THOC2: variants seen among roughly 807,000 people sequenced by gnomAD.
THOC2 encodes THO complex subunit 2.
In THOC2, 10 loss-of-function variants were observed where a neutral mutation model predicts 128.4. The observed-to-expected ratio is 0.08, with a 90% CI of 0.05 to 0.13. The LOEUF (loss-of-function observed/expected upper bound fraction) is 0.13, where lower values mean the gene tolerates loss of function less well. Among genes scored for constraint, THOC2 ranks in the 10% least tolerant of loss-of-function variants. The pLI is 1.00. For synonymous variants in THOC2, 393 were observed against 396.9 expected, an observed-to-expected ratio of 0.99 and a Z score of 0.12; for missense variants, 535 against 1,155.7, an observed-to-expected ratio of 0.46 and a Z score of 7.79.
chrX:123,710,573 C>A (rs372844349), intron 2 of THOC2, among the ~76,000 whole-genome samples: 1 of 111,683 alleles, frequency 9.0e-6, no homozygotes, highest in East Asian at 2.8e-4. Context: ...TTTGAGTGAT[C>A]ATGCAATTTT....
intron 1 of THOC2, among the ~76,000 whole-genome samples, chrX:123,714,558 C>T (rs993373974): frequency 8.1e-5 from 9 of 111,749 alleles, no homozygotes; most frequent in East Asian, 2.8e-4. Context: ...CACTACTTTC[C>T]ATAGAATACC....
intron 1 of THOC2, among the ~76,000 whole-genome samples, chrX:123,718,244 G>A (rs1391530172): frequency 8.9e-6 from 1 of 111,805 alleles, no homozygotes; most frequent in Non-Finnish European, 1.9e-5. Flanking sequence ...TCCACATACA[G>A]AACAATGAAA....
intron 3 of THOC2, among the ~76,000 whole-genome samples, chrX:123,704,313 T>A (rs1419352304): frequency 9.0e-6 from 1 of 111,661 alleles, no homozygotes; most frequent in Admixed American, 9.6e-5. Context: ...ATCTTGAAAA[T>A]ACAAAACCAG....
At chrX:123,681,526 A>G (rs1603299316) in intron 8 of THOC2, among the ~76,000 whole-genome samples, 2 of 112,274 alleles carry the variant, frequency 1.8e-5, no homozygotes, top group East Asian at 2.8e-4. Context: ...CTCCAAGTAT[A>G]GAACAAATAC....
chrX:123,616,666 GTTTT>G (rs1342545516), intron 33 of THOC2, among the ~76,000 whole-genome samples: 1 of 105,358 alleles, frequency 9.5e-6, no homozygotes, highest in Admixed American at 1.0e-4. Flanking sequence ...AATGGAACCT[GTTTT>G]TTGTTTTTTT....
intron 1 of THOC2, among the ~76,000 whole-genome samples, chrX:123,717,593 C>T (rs1193652870): frequency 9.2e-6 from 1 of 109,007 alleles, no homozygotes; most frequent in Non-Finnish European, 1.9e-5. Flanking sequence ...GTTTAAATGT[C>T]CATGCTACCC....
intron 1 of THOC2, among the ~76,000 whole-genome samples, chrX:123,721,164 GGTT>G (rs911321728): frequency 9.1e-6 from 1 of 109,483 alleles, no homozygotes; most frequent in African/African-American, 3.3e-5. Flanking sequence ...TGTTGTTGCT[GGTT>G]TTTTTTGTTT....
chrX:123,616,114 T>A (rs2046884141), intron 33 of THOC2, among the ~76,000 whole-genome samples: 1 of 111,243 alleles, frequency 9.0e-6, no homozygotes, highest in Admixed American at 9.6e-5. Flanking sequence ...AAATCCTACT[T>A]AGCCTTCAAA....
intron 16 of THOC2, 36 bp downstream of exon 16, chrX:123,640,502 A>G (rs1183824068): frequency 9.8e-6 from 10 of 1,018,467 alleles, no homozygotes; most frequent in Non-Finnish European, 1.3e-5. Context: ...AACAGAAAGA[A>G]AAATCCCTTA....
rs769768648 is a variant in THOC2, at chrX:123,649,906, C to T, written c.1387-4531G>A. 6.7e-3 allele frequency among the ~76,000 whole-genome samples: 750 copies of T among 111,741 alleles called. 2 individuals are homozygous for T. Among genetic ancestry groups the T allele is most frequent in the Non-Finnish European group, 0.011 (594 of 53,159 alleles). The stretch of plus-strand genomic sequence containing the variant: ...TTCAGGGTATTATCCAGGAAAACTT[C>T]TCCAATCTAGCAAGACAGGCCAACA... On this transcript the variant is annotated intron_variant, in intron 12 of 38. Coordinates refer to ENST00000245838, the MANE Select transcript of THOC2 (RefSeq NM_001081550.2).
Position 123,644,817 on chromosome X carries a change from T to C in THOC2, c.1521A>G (p.Glu507=), listed in dbSNP as rs1269190461. 1 of 1,204,456 alleles carries C rather than the reference T, an allele frequency of 8.3e-7. No homozygotes were observed. The change falls in exon 14 of 39, where the codon GAA becomes GAG. Residue 507 remains glutamate (E), a synonymous_variant. Transcript: ENST00000245838. The part of the protein sequence containing the change: ...LMDCNACMSE[E]LWGMFKTFPY... ...GAAATGTTTTAAACATTCCCCATAG[T>C]TCCTCAGACATACAAGCATTGCAGT... is the stretch of plus-strand genomic sequence containing the variant.
At chrX:123,688,874 G>T (rs1384141405) in intron 7 of THOC2, among the ~76,000 whole-genome samples, 3 of 111,050 alleles carry the variant, frequency 2.7e-5, no homozygotes, top group African/African-American at 6.6e-5. Flanking sequence ...GTAAGATCTA[G>T]CAAATTATCA....
chrX:123,685,461 AAGG>A lies in THOC2; in HGVS notation c.768+1084_768+1086del, dbSNP rs759445920. On this transcript the variant is annotated intron_variant, in intron 8 of 38. Transcript: ENST00000245838. ...TAAATAGGAGTTCACAAGATGAAGA[AAGG>A]AGAAGTGAGAGGGTTGGGTAAGAAT... is the stretch of plus-strand genomic sequence containing the variant. Among the ~76,000 whole-genome samples, 8 of 112,163 alleles carry A rather than the reference AAGG, an allele frequency of 7.1e-5. No homozygotes were observed. In the East Asian group the frequency reaches 2.2e-3, roughly 31 times the overall value.
At chrX:123,693,140 C>T (rs2050298358) in intron 7 of THOC2, among the ~76,000 whole-genome samples, 2 of 112,484 alleles carry the variant, frequency 1.8e-5, no homozygotes, top group Admixed American at 1.9e-4. Context: ...ATTGAAGTTT[C>T]AACCTCTATT....
chrX:123,724,809 G>A (rs2051872472), intron 1 of THOC2, among the ~76,000 whole-genome samples: 2 of 112,384 alleles, frequency 1.8e-5, no homozygotes, highest in South Asian at 7.4e-4. Flanking sequence ...GGAGGCCAAG[G>A]TGGGTGAATC....
chrX:123,636,881 T>C (rs935067707), intron 18 of THOC2, among the ~76,000 whole-genome samples: 3 of 111,796 alleles, frequency 2.7e-5, no homozygotes, highest in African/African-American at 9.7e-5. Flanking sequence ...CTGAGTCTAG[T>C]GGAAGATACA....
intron 8 of THOC2, among the ~76,000 whole-genome samples, chrX:123,681,763 T>C (rs939559439): frequency 8.9e-6 from 1 of 112,086 alleles, no homozygotes; most frequent in Non-Finnish European, 1.9e-5. Context: ...TGGGGACAAT[T>C]TGGAAAATAT....
intron 1 of THOC2, among the ~76,000 whole-genome samples, chrX:123,731,949 T>C (rs1490214550): frequency 9.0e-6 from 1 of 111,366 alleles, no homozygotes; most frequent in Non-Finnish European, 1.9e-5. Context: ...TCATCCAGGG[T>C]TGAGCTTTAG....
At chrX:123,681,222 C>A (rs753447311) in intron 8 of THOC2, among the ~76,000 whole-genome samples, 1 of 111,278 alleles carries the variant, frequency 9.0e-6, no homozygotes, top group Admixed American at 9.6e-5. Flanking sequence ...ATTAGTAAAT[C>A]ATCAATTTGG....
Sources: gnomAD v4.1 joint callset for allele counts (sites outside exome capture counted in the v4.1 genomes callset) on GRCh38, gnomAD v4.1.1 for gene constraint, MANE v1.5 for transcripts, NCBI Gene and HGNC (gene_info 2026-07-23, HGNC 2026-07-21) for gene names.